Variants in PTPRQ observed in about 807,000 individuals in gnomAD.
The protein encoded by PTPRQ is phosphatidylinositol phosphatase PTPRQ.
Under a neutral mutation model 246.0 loss-of-function variants are expected in PTPRQ, and 199 were observed. The ratio of observed to expected loss-of-function variants is 0.81; its 90% CI spans 0.72 to 0.91. The LOEUF (loss-of-function observed/expected upper bound fraction) is 0.91, where lower values mean the gene tolerates loss of function less well. Ranked by LOEUF, PTPRQ falls within the 40% of genes least tolerant of loss-of-function variation. PTPRQ has a pLI of 0.00. For synonymous variants in PTPRQ, 869 were observed against 853.2 expected, an observed-to-expected ratio of 1.02 and a Z score of -0.32; for missense variants, 2,624 against 2,528.4, an observed-to-expected ratio of 1.04 and a Z score of -0.81.
At chr12:80,543,499 A>G (rs1328653307) in intron 23 of PTPRQ, among the ~76,000 whole-genome samples, 1 of 152,086 alleles carries the variant, frequency 6.6e-6, no homozygotes, top group African/African-American at 2.4e-5. Context: ...CCAAAATGTA[A>G]TTAACAAGCA....
At chr12:80,589,649 G>C (rs1897727414) in intron 26 of PTPRQ, among the ~76,000 whole-genome samples, 1 of 152,118 alleles carries the variant, frequency 6.6e-6, no homozygotes, top group Non-Finnish European at 1.5e-5. Flanking sequence ...CATAATGTCT[G>C]TAATAGTAAA....
At chr12:80,592,126 A>G (rs892194579) in intron 26 of PTPRQ, among the ~76,000 whole-genome samples, 1 of 152,144 alleles carries the variant, frequency 6.6e-6, no homozygotes, top group Non-Finnish European at 1.5e-5. Flanking sequence ...TATTTCCAGG[A>G]GACACAGGGG....
intron 8 of PTPRQ, among the ~76,000 whole-genome samples, chr12:80,474,258 T>C (rs936022837): frequency 1.3e-5 from 2 of 152,230 alleles, no homozygotes; most frequent in African/African-American, 4.8e-5. Context: ...GGGTTTTTAG[T>C]ATTCTAATTA....
chr12:80,598,005 A>G (rs1244551095), intron 26 of PTPRQ, among the ~76,000 whole-genome samples: 1 of 151,958 alleles, frequency 6.6e-6, no homozygotes, highest in Non-Finnish European at 1.5e-5. Flanking sequence ...TGAAACTGAG[A>G]GGTTTTCTTT....
At chr12:80,572,906 C>T (rs1417486619) in intron 25 of PTPRQ, among the ~76,000 whole-genome samples, 1 of 152,080 alleles carries the variant, frequency 6.6e-6, no homozygotes, top group Non-Finnish European at 1.5e-5. Flanking sequence ...GATTTAGTAA[C>T]ATTTTGCTTA....
rs1899466993 is a variant in PTPRQ, at chr12:80,632,223, C to A, written c.5718C>A (p.Ile1906=). 1 of 1,551,440 alleles carries A rather than the reference C, an allele frequency of 6.4e-7. No homozygotes were observed. The highest frequency in any genetic ancestry group is 8.7e-7 in the Non-Finnish European group (1 of 1,146,872). The stretch of plus-strand genomic sequence containing the variant: ...GACTTTCAGAAAGAACCGTAGAGAT[C>A]ATTCTTTCCGTCACTTTGTGTATCC... ...GEGLSERTVE[I]ILSVTLCILS... The change falls in exon 34 of 45, where the codon ATC becomes ATA. Residue 1906 remains isoleucine (I), a synonymous_variant. Transcript: ENST00000644991.
At chr12:80,530,202 T>C (rs117871060) in intron 17 of PTPRQ, among the ~76,000 whole-genome samples, 10 of 152,306 alleles carry the variant, frequency 6.6e-5, no homozygotes, top group Non-Finnish European at 1.0e-4. Context: ...TTTTTTATAC[T>C]GTGGTCACAA....
At chr12:80,643,209 G>C (rs528880216) in intron 35 of PTPRQ, among the ~76,000 whole-genome samples, 1 of 152,036 alleles carries the variant, frequency 6.6e-6, no homozygotes, top group Non-Finnish European at 1.5e-5. Context: ...AGGTCGAGGC[G>C]GGTAGATCCC....
intron 33 of PTPRQ, among the ~76,000 whole-genome samples, chr12:80,626,842 C>T (rs1301976011): frequency 6.6e-6 from 1 of 152,140 alleles, no homozygotes; most frequent in Non-Finnish European, 1.5e-5. Flanking sequence ...TCTTTTCTCA[C>T]ACTTTGTCTT....
At chr12:80,660,808 T>C (rs529576145) in intron 39 of PTPRQ, among the ~76,000 whole-genome samples, 21 of 152,198 alleles carry the variant, frequency 1.4e-4, no homozygotes, top group African/African-American at 5.1e-4. Context: ...AGAGATACAT[T>C]TTATAAATCA....
intron 25 of PTPRQ, among the ~76,000 whole-genome samples, chr12:80,555,777 A>C (rs1227981181): frequency 6.6e-6 from 1 of 152,166 alleles, no homozygotes; most frequent in Non-Finnish European, 1.5e-5. Flanking sequence ...ATTTTTCTTC[A>C]GTGTGAACAT....
chr12:80,631,151 A>G (rs530958699), intron 33 of PTPRQ, among the ~76,000 whole-genome samples: 2 of 152,316 alleles, frequency 1.3e-5, no homozygotes, highest in African/African-American at 4.8e-5. Context: ...AACCCAGAAA[A>G]GTATACATTT....
At chr12:80,452,458 C>A (rs981022959) in intron 3 of PTPRQ, among the ~76,000 whole-genome samples, 21 of 152,226 alleles carry the variant, frequency 1.4e-4, no homozygotes, top group South Asian at 8.3e-4. Flanking sequence ...TTCTTCCTAG[C>A]CTTGATGGTC....
chr12:80,600,647 G>T (rs1898111710), intron 26 of PTPRQ, among the ~76,000 whole-genome samples: 1 of 151,746 alleles, frequency 6.6e-6, no homozygotes, highest in African/African-American at 2.4e-5. Flanking sequence ...AGTCCCAACA[G>T]CATCGAGTAG....
intron 14 of PTPRQ, among the ~76,000 whole-genome samples, chr12:80,505,209 A>G (rs528781484): frequency 1.3e-5 from 2 of 151,966 alleles, no homozygotes; most frequent in Non-Finnish European, 2.9e-5. Context: ...AACTGGCTTT[A>G]GTATCAGCTT....
chr12:80,630,612 TCA>T (rs1873719266), intron 33 of PTPRQ, among the ~76,000 whole-genome samples: 1 of 152,232 alleles, frequency 6.6e-6, no homozygotes, highest in South Asian at 2.1e-4. Flanking sequence ...CGATATTTTG[TCA>T]TCCTGTAAAT....
intron 26 of PTPRQ, among the ~76,000 whole-genome samples, chr12:80,590,541 G>T (rs1258272293): frequency 6.6e-6 from 1 of 151,776 alleles, no homozygotes. Flanking sequence ...GGTGGCAGGT[G>T]CCTGTAGTCC....
At chr12:80,508,592 C>A (rs935504031) in intron 16 of PTPRQ, among the ~76,000 whole-genome samples, 2 of 151,970 alleles carry the variant, frequency 1.3e-5, no homozygotes, top group South Asian at 4.1e-4. Context: ...TCTCAGCTAC[C>A]TTGAGATGCT....
chr12:80,514,869 A>T (rs991434849), intron 17 of PTPRQ, among the ~76,000 whole-genome samples: 34 of 147,672 alleles, frequency 2.3e-4, no homozygotes, highest in Non-Finnish European at 1.5e-4. Flanking sequence ...AAAGAGTAAG[A>T]TTACATAAAG....
Sources: allele counts gnomAD v4.1 joint callset (sites outside exome capture counted in the v4.1 genomes callset), GRCh38; gene constraint gnomAD v4.1.1; transcripts MANE v1.5; gene names NCBI Gene and HGNC (gene_info 2026-07-23, HGNC 2026-07-21).